Variants in PCDHA2 observed in about 807,000 individuals in gnomAD.
PCDHA2 encodes protocadherin alpha 2.
A neutral mutation model predicts 66.0 loss-of-function variants in PCDHA2; 58 were observed. That is an observed-to-expected ratio of 0.88 (90% confidence interval 0.71 to 1.09). The LOEUF (loss-of-function observed/expected upper bound fraction) is 1.09. Ranked by LOEUF, PCDHA2 falls within the 50% of genes least tolerant of loss-of-function variation. The pLI is 0.00. For synonymous variants in PCDHA2, 634 were observed against 554.0 expected (o/e 1.14, Z -2.03); for missense variants, 1,267 against 1,242.3 (o/e 1.02, Z -0.30).
At chr5:140,899,336 A>G (rs2067275819) in intron 1 of PCDHA2, among the ~76,000 whole-genome samples, 1 of 152,130 alleles carries the variant, frequency 6.6e-6, no homozygotes, top group Non-Finnish European at 1.5e-5. Context: ...TTTGTCATAG[A>G]TAGCTCTTAT....
intron 1 of PCDHA2, among the ~76,000 whole-genome samples, chr5:140,952,159 G>T (rs1226707673): frequency 2.0e-5 from 3 of 152,056 alleles, no homozygotes; most frequent in African/African-American, 7.2e-5. Context: ...TGGCTTTGTG[G>T]GGTTCAGTTC....
At chr5:140,968,810 G>C in intron 1 of PCDHA2, 1 of 1,614,186 alleles carries the variant, frequency 6.2e-7, no homozygotes, top group Non-Finnish European at 8.5e-7. Flanking sequence ...AGCTGTGGTG[G>C]ATAGGGTTTC....
At chr5:140,948,253 AT>A (rs1365335948) in intron 1 of PCDHA2, among the ~76,000 whole-genome samples, 1 of 151,624 alleles carries the variant, frequency 6.6e-6, no homozygotes, top group Non-Finnish European at 1.5e-5. Context: ...ATATTTTTAC[AT>A]CTGTGTTCAT....
chr5:140,961,192 A>G (rs1322057564), intron 1 of PCDHA2, among the ~76,000 whole-genome samples: 1 of 152,170 alleles, frequency 6.6e-6, no homozygotes, highest in African/African-American at 2.4e-5. Flanking sequence ...ACAGGACCCT[A>G]GTGAGGTTGG....
chr5:140,997,577 T>G (rs2097775398), intron 3 of PCDHA2, among the ~76,000 whole-genome samples: 1 of 152,186 alleles, frequency 6.6e-6, no homozygotes, highest in Admixed American at 6.5e-5. Flanking sequence ...GTGTGGTCCG[T>G]TGTTGACTGA....
At chr5:140,897,915 T>C (rs2066399470) in intron 1 of PCDHA2, among the ~76,000 whole-genome samples, 1 of 152,246 alleles carries the variant, frequency 6.6e-6, no homozygotes. Context: ...ATTGTGGTTT[T>C]GATTTGCGTT....
intron 1 of PCDHA2, chr5:140,884,465 G>C (rs782791774): frequency 1.2e-6 from 2 of 1,613,634 alleles, no homozygotes; most frequent in Admixed American, 3.3e-5. Context: ...GGGCGCGTGC[G>C]CGCCGGGCAA....
At chr5:140,869,857 A>T in intron 1 of PCDHA2, 1 of 1,610,928 alleles carries the variant, frequency 6.2e-7, no homozygotes, top group Non-Finnish European at 8.5e-7. Flanking sequence ...GGTGAGCCTT[A>T]TGGAAAATGC....
chr5:140,854,596 A>G (rs1426256620), intron 1 of PCDHA2: 1 of 150,040 alleles, frequency 6.7e-6, no homozygotes, highest in Non-Finnish European at 1.5e-5. Flanking sequence ...AAAAGTTTAA[A>G]GTAATTGACA....
At chr5:140,968,396 G>A (rs1181874720) in intron 1 of PCDHA2, 1 of 1,613,890 alleles carries the variant, frequency 6.2e-7, no homozygotes, top group Non-Finnish European at 8.5e-7. Flanking sequence ...GAAGTTTCGG[G>A]AGTTCTTTGT....
chr5:140,804,861 A>T (rs1334289265), intron 1 of PCDHA2: 2 of 545,844 alleles, frequency 3.7e-6, no homozygotes, highest in Admixed American at 7.6e-5. Context: ...TAACACGTAA[A>T]ATAGATATTT....
chr5:140,882,346 G>A (rs146510190), intron 1 of PCDHA2: 86 of 1,614,078 alleles, frequency 5.3e-5, no homozygotes, highest in African/African-American at 9.3e-5. Flanking sequence ...CCTGGGAGAC[G>A]GGTAGTGGCC....
chr5:140,928,478 A>G (rs1554205922), intron 1 of PCDHA2: 1 of 1,614,132 alleles, frequency 6.2e-7, no homozygotes, highest in East Asian at 2.2e-5. Context: ...GAAGGCCGGG[A>G]TGGTGGCATT....
intron 1 of PCDHA2, chr5:140,802,725 G>C: frequency 1.2e-6 from 2 of 1,612,628 alleles, no homozygotes; most frequent in Non-Finnish European, 1.7e-6. Context: ...CTACGTGTCG[G>C]TACACGCGGA....
chr5:140,863,195 C>T (rs782227810), intron 1 of PCDHA2: 17 of 864,950 alleles, frequency 2.0e-5, no homozygotes, highest in Admixed American at 3.7e-5. Context: ...GTGGTGGCGT[C>T]GCTGGCGGAG....
chr5:140,969,823 T>C (rs782195981), intron 1 of PCDHA2, among the ~76,000 whole-genome samples: 3 of 152,248 alleles, frequency 2.0e-5, no homozygotes, highest in Non-Finnish European at 4.4e-5. Context: ...CTCTGGACTG[T>C]CTACAGTGGA....
At chr5:140,901,278 A>AT (rs1554189713) in intron 1 of PCDHA2, among the ~76,000 whole-genome samples, 2 of 152,102 alleles carry the variant, frequency 1.3e-5, no homozygotes, top group Non-Finnish European at 2.9e-5. Context: ...TACTCAAGAA[A>AT]TTTTTGCCCA....
chr5:140,878,727 C>A (rs1329578817), intron 1 of PCDHA2, among the ~76,000 whole-genome samples: 2 of 152,186 alleles, frequency 1.3e-5, no homozygotes, highest in Non-Finnish European at 2.9e-5. Context: ...AAATTTCCAG[C>A]CTTATATCTA....
At chr5:140,838,083 T>TA (rs1554136873) in intron 1 of PCDHA2, among the ~76,000 whole-genome samples, 32 of 31,830 alleles carry the variant, frequency 1.0e-3, no homozygotes, top group African/African-American at 3.5e-3. Flanking sequence ...ATATAGTGTG[T>TA]GTGTGTGTGT....
Sources: gnomAD v4.1 joint callset for allele counts (sites outside exome capture counted in the v4.1 genomes callset) on GRCh38, gnomAD v4.1.1 for gene constraint, MANE v1.5 for transcripts, NCBI Gene and HGNC (gene_info 2026-07-23, HGNC 2026-07-21) for gene names.